PTBP1: variants seen among roughly 807,000 people sequenced by gnomAD.
PTBP1 encodes polypyrimidine tract binding protein 1, also known as polypyrimidine tract-binding protein 1.
In PTBP1, 8 loss-of-function variants were observed where a neutral mutation model predicts 59.8. The observed-to-expected ratio is 0.13, with a 90% CI of 0.08 to 0.24. The LOEUF is 0.24. Among genes scored for constraint, PTBP1 ranks in the 10% least tolerant of loss-of-function variants. The pLI, the probability that PTBP1 is intolerant of heterozygous loss-of-function variation, is 1.00. For synonymous variants in PTBP1, 490 were observed against 320.7 expected, an observed-to-expected ratio of 1.53 and a Z score of -5.64; for missense variants, 686 against 767.0, an observed-to-expected ratio of 0.89 and a Z score of 1.25.
intron 1 of PTBP1, 126 bp downstream of exon 1, chr19:797,631 C>T (rs1337976434): frequency 5.6e-6 from 3 of 539,708 alleles, no homozygotes; most frequent in Non-Finnish European, 8.0e-6. Flanking sequence ...CGGGCTCTCC[C>T]CTTCCTCTCC....
chr19:808,703 C>G lies in PTBP1; in HGVS notation c.1404C>G (p.Gly468=). ...NSPLHRFKKP[G]SKNFQNIFPP... Reference sequence around the variant, plus strand: ...CCCTGCACCGCTTCAAGAAGCCGGGCTCCAAGAACTTCCAGAACATATTCC... The same window carrying G: ...CCCTGCACCGCTTCAAGAAGCCGGGGTCCAAGAACTTCCAGAACATATTCC... The change falls in exon 13 of 15, where the codon GGC becomes GGG. Residue 468 remains glycine (G), a synonymous_variant. Coordinates refer to ENST00000356948, the MANE Select transcript of PTBP1 (RefSeq NM_002819.5). The surrounding 1 kb of genome is among the most constrained non-coding windows in gnomAD (Gnocchi z 4.7). The G allele has an allele frequency of 1.2e-6, 2 of 1,613,328 alleles. No individual in the cohort carries two copies. The highest frequency in any genetic ancestry group is 1.7e-6 in the Non-Finnish European group (2 of 1,179,948).
At position 804,959 on chromosome 19, in the gene PTBP1, C is replaced by A; in HGVS notation, c.717+20C>A. On this transcript the variant is annotated intron_variant, in intron 7 of 14. Coordinates refer to ENST00000356948, the MANE Select transcript of PTBP1 (RefSeq NM_002819.5). ...AAGCTGGTGAGTGGGGCTCCCGGGA[C>A]GGCGCCCGCCCTGGCCCTGGCCCGG... is the stretch of plus-strand genomic sequence containing the variant. 6.2e-7 allele frequency: 1 copy of A among 1,612,408 alleles called. No homozygotes were observed. The highest frequency in any genetic ancestry group is 8.5e-7 in the Non-Finnish European group (1 of 1,178,932).
intron 14 of PTBP1, 35 bp downstream of exon 14, chr19:810,655 A>C: frequency 6.2e-7 from 1 of 1,612,154 alleles, no homozygotes; most frequent in Non-Finnish European, 8.5e-7. Flanking sequence ...GGCTCTCCCC[A>C]GGCTGCCCTG....
rs1421264799 is a variant in PTBP1, at chr19:812,021, T to C, written c.*1195T>C. ...AAAGCGTGTAACAAGGGTGTAAATA[T>C]TTATAATTTTTTATACCTGTTGTGA... On this transcript the variant is annotated 3_prime_UTR_variant, in exon 15 of 15. Coordinates refer to ENST00000356948, the MANE Select transcript of PTBP1 (RefSeq NM_002819.5). 3.3e-5 allele frequency: 5 copies of C among 152,250 alleles called. No individual in the cohort carries two copies. Among genetic ancestry groups the C allele is most frequent in the African/African-American group, 9.7e-5 (4 of 41,376 alleles). 9.4% of individuals were successfully genotyped at this position (152,250 alleles called of 1,614,324 possible). A position where few individuals can be genotyped will look rare whatever the true frequency, so the allele number is the denominator to read the frequency against.
rs377178876 is a variant in PTBP1, at chr19:806,525, C to T, written c.1088C>T (p.Ser363Phe). 2 of 1,554,212 alleles carry T rather than the reference C, an allele frequency of 1.3e-6. No homozygotes were observed. The highest frequency in any genetic ancestry group is 1.2e-5 in the South Asian group (1 of 84,522). ...CCGGGCCTGGCGGGGGCAGGAAATTCTGTATTGCTGGTCAGCAACCTCAAC... is the reference window on the plus strand; with the variant it reads ...CCGGGCCTGGCGGGGGCAGGAAATTTTGTATTGCTGGTCAGCAACCTCAAC... ...AIPGLAGAGN[S>F]VLLVSNLNPE... The change falls in exon 10 of 15, where the codon TCT becomes TTT. Residue 363 changes from serine to phenylalanine, a missense_variant. By Grantham distance (155) the Ser-to-Phe change is radical (BLOSUM62 -2). Coordinates refer to ENST00000356948, the MANE Select transcript of PTBP1 (RefSeq NM_002819.5).
At chr19:804,232 G>T (rs1388443028) in intron 4 of PTBP1, 24 bp downstream of exon 4, 1 of 1,608,434 alleles carries the variant, frequency 6.2e-7, no homozygotes, top group Non-Finnish European at 8.5e-7. Context: ...GTTTCTCCGG[G>T]GTGCTCACAC....
rs60563653 is a variant in PTBP1, at chr19:808,343, T to TC, written c.1154-14dup. ...CAGGCAGCAGGAGACTCAGGCCCCA[T>TC]CCCTGGGCTTTTGAAGGCGTCTACG... On this transcript the variant is annotated splice_polypyrimidine_tract_variant and intron_variant, in intron 11 of 14. Coordinates refer to ENST00000356948, the MANE Select transcript of PTBP1 (RefSeq NM_002819.5). This position sits in a 1 kb window ranked among gnomAD's most constrained non-coding sequence, Gnocchi z 4.7. The TC allele has an allele frequency of 2.3e-3, 3,583 of 1,579,698 alleles. 80 individuals carry two copies. The African/African-American group carries it at 0.043, about 19-fold the overall frequency.
At chr19:802,268 TCTTC>T (rs1475551836) in intron 2 of PTBP1, among the ~76,000 whole-genome samples, 2 of 152,170 alleles carry the variant, frequency 1.3e-5, no homozygotes, top group African/African-American at 4.8e-5. Flanking sequence ...GCTCGGGCAG[TCTTC>T]CTTCCAGGAA....
At chr19:807,979 G>T (rs1008655169) in intron 11 of PTBP1, 77 bp downstream of exon 11, 3 of 1,380,200 alleles carry the variant, frequency 2.2e-6, no homozygotes, top group Non-Finnish European at 3.1e-6. Flanking sequence ...CGTATTATGA[G>T]TTTGCGGTTT....
chr19:806,904 G>A (rs2034607805), intron 10 of PTBP1: 2 of 201,010 alleles, frequency 9.9e-6, no homozygotes, highest in Admixed American at 6.0e-5. Context: ...GGGTTAGCGC[G>A]GCGGGGTGTG....
intron 2 of PTBP1, among the ~76,000 whole-genome samples, chr19:800,080 C>A (rs1284202455): frequency 6.7e-6 from 1 of 149,378 alleles, no homozygotes; most frequent in Non-Finnish European, 1.5e-5. Context: ...GTGCCCACCA[C>A]CATGCCCAGC....
Position 808,105 on chromosome 19 carries a change from G to A in PTBP1, c.1153+203G>A, listed in dbSNP as rs117709120. 3 of 640,256 alleles carry A rather than the reference G, an allele frequency of 4.7e-6. No individual in the cohort carries two copies. The highest frequency in any genetic ancestry group is 1.8e-5 in the African/African-American group (1 of 54,680). The allele number at this position is 640,256 out of a possible 1,614,324, so 39.7% of individuals were successfully genotyped here. ...TTTATCGCCCTGCATGCTTTTCAGA[G>A]TTAGACCTGTCGGTGGCATATGCCA... On this transcript the variant is annotated intron_variant, in intron 11 of 14. Transcript: ENST00000356948. This position sits in a 1 kb window ranked among gnomAD's most constrained non-coding sequence, Gnocchi z 4.7.
At position 804,423 on chromosome 19, in the gene PTBP1, C is replaced by T. The variant is rs369789004; in HGVS notation, c.420C>T (p.Ser140=). The change falls in exon 5 of 15, where the codon AGC becomes AGT. Residue 140 remains serine, a synonymous_variant. Transcript: ENST00000356948. ...ACCACAAGGAGCTGAAGACCGACAG[C>T]TCTCCCAACCAGGCGGTGCGTGGCC... ...FSNHKELKTD[S]SPNQARAQAA... 1 of 1,611,536 alleles carries T rather than the reference C, an allele frequency of 6.2e-7. No individual in the cohort carries two copies. The highest frequency in any genetic ancestry group is 8.5e-7 in the Non-Finnish European group (1 of 1,179,964).
chr19:805,605 G>A, intron 9 of PTBP1, 36 bp downstream of exon 9: 9 of 1,547,018 alleles, frequency 5.8e-6, no homozygotes, highest in Non-Finnish European at 8.0e-6. Flanking sequence ...CCCAGCGACT[G>A]CATGCCCACA....
chr19:806,659 C>A, intron 10 of PTBP1, 103 bp downstream of exon 10: 2 of 1,171,210 alleles, frequency 1.7e-6, no homozygotes, highest in Non-Finnish European at 2.3e-6. Context: ...CTCGCTGTGT[C>A]TGCGCCTCTG....
rs371231872 is a variant in PTBP1, at chr19:804,995, C to T, written c.718-18C>T. 3.7e-4 allele frequency: 602 copies of T among 1,612,712 alleles called. 1 individual carries two copies. The South Asian group carries it at 4.4e-3, about 12-fold the overall frequency. On this transcript the variant is annotated intron_variant, in intron 7 of 14. Transcript: ENST00000356948. ...CTGGCCCTGGCCCGGCGACGTCTCA[C>T]GGTCCCTCTCCCCTCAGTCGCTGGA...
chr19:800,834 C>T (rs1326850451), intron 2 of PTBP1, among the ~76,000 whole-genome samples: 1 of 152,212 alleles, frequency 6.6e-6, no homozygotes, highest in African/African-American at 2.4e-5. Flanking sequence ...CCTCAGCTTC[C>T]ATCGGGTGGT....
Position 810,525 on chromosome 19 carries a change from G to A in PTBP1, c.1464-18G>A, listed in dbSNP as rs553303871. ...CACCCCCACGCGGCCCCAGGCTCAC[G>A]CCTTTCTCCTCCCACAGGCCCTCAG... On this transcript the variant is annotated intron_variant, in intron 13 of 14. Coordinates refer to ENST00000356948, the MANE Select transcript of PTBP1 (RefSeq NM_002819.5). The A allele has an allele frequency of 2.5e-5, 40 of 1,611,520 alleles. No individual in the cohort carries two copies. The South Asian group carries it at 3.0e-4, about 12-fold the overall frequency.
In PTBP1 at chr19:804,280, C is replaced by T; in HGVS notation, c.289-12C>T. On this transcript the variant is annotated splice_polypyrimidine_tract_variant and intron_variant, in intron 4 of 14. Coordinates refer to ENST00000356948, the MANE Select transcript of PTBP1 (RefSeq NM_002819.5). ...GACGAGGAGGGCCCAGCGCTCACTGCCTCCCCAACAGGCCTTCATCGAGAT... is the reference window on the plus strand; with the variant it reads ...GACGAGGAGGGCCCAGCGCTCACTGTCTCCCCAACAGGCCTTCATCGAGAT... 1 of 1,613,414 alleles carries T rather than the reference C, an allele frequency of 6.2e-7. No homozygotes were observed. Among genetic ancestry groups the T allele is most frequent in the South Asian group, 1.1e-5 (1 of 91,046 alleles).
Sources: allele counts gnomAD v4.1 joint callset (sites outside exome capture counted in the v4.1 genomes callset), GRCh38; gene constraint gnomAD v4.1.1; non-coding constraint Gnocchi (gnomAD v3.1); transcripts MANE v1.5; gene names NCBI Gene and HGNC (gene_info 2026-07-23, HGNC 2026-07-21).